NAV2: variants seen among roughly 807,000 people sequenced by gnomAD.
NAV2 encodes helicase, APC down-regulated 1.
A neutral mutation model predicts 223.2 loss-of-function variants in NAV2; 54 were observed. That is an observed-to-expected ratio of 0.24 (90% confidence interval 0.19 to 0.30). The LOEUF is 0.30. Ranked by LOEUF, NAV2 falls within the 10% of genes least tolerant of loss-of-function variation. The pLI is 1.00. For synonymous variants in NAV2, 1,279 were observed against 1,239.3 expected, an observed-to-expected ratio of 1.03 and a Z score of -0.67; for missense variants, 2,806 against 3,147.5, an observed-to-expected ratio of 0.89 and a Z score of 2.60.
chr11:19,730,142 G>A (rs969262046), intron 1 of NAV2, among the ~76,000 whole-genome samples: 2 of 152,236 alleles, frequency 1.3e-5, no homozygotes, highest in Non-Finnish European at 2.9e-5. Flanking sequence ...TATGGTGAAT[G>A]TGTTGGGGAC....
chr11:19,591,934 C>G (rs2046074252), intron 1 of NAV2, among the ~76,000 whole-genome samples: 1 of 152,168 alleles, frequency 6.6e-6, no homozygotes, highest in Non-Finnish European at 1.5e-5. Flanking sequence ...ATTCAGCTTC[C>G]AAGGCAGGCT....
chr11:20,095,267 A>G (rs115490790), intron 29 of NAV2, among the ~76,000 whole-genome samples: 161 of 152,318 alleles, frequency 1.1e-3, no homozygotes, highest in African/African-American at 3.7e-3. Flanking sequence ...TGCCGAAGCA[A>G]TTTAAGCTCT....
At chr11:19,943,874 A>G (rs556626909) in intron 8 of NAV2, among the ~76,000 whole-genome samples, 1 of 151,904 alleles carries the variant, frequency 6.6e-6, no homozygotes, top group South Asian at 2.1e-4. Flanking sequence ...TAGTTATTGC[A>G]CCTCTCCTCT....
intron 8 of NAV2, among the ~76,000 whole-genome samples, chr11:19,940,596 T>C (rs562963030): frequency 6.6e-6 from 1 of 152,310 alleles, no homozygotes; most frequent in African/African-American, 2.4e-5. Flanking sequence ...ACTTCCACAG[T>C]CGGGTTAAAA....
chr11:19,860,247 G>A (rs2061668356), intron 3 of NAV2, among the ~76,000 whole-genome samples: 5 of 143,360 alleles, frequency 3.5e-5, no homozygotes, highest in Admixed American at 6.8e-5. Context: ...GGTGGCTGCC[G>A]GGCAGAGGGG....
intron 1 of NAV2, chr11:19,714,343 CG>C (rs1349540741): frequency 8.2e-6 from 4 of 490,352 alleles, no homozygotes; most frequent in Non-Finnish European, 1.6e-5. Context: ...GTCTGTCTGG[CG>C]GTTCCGCAGA....
chr11:19,390,550 T>C (rs920593200), intron 1 of NAV2, among the ~76,000 whole-genome samples: 11 of 152,002 alleles, frequency 7.2e-5, no homozygotes, highest in African/African-American at 2.7e-4. Flanking sequence ...GTAAGATAAA[T>C]AAATAAATCA....
At chr11:19,716,209 C>CA (rs2050296814) in intron 1 of NAV2, among the ~76,000 whole-genome samples, 1 of 152,148 alleles carries the variant, frequency 6.6e-6, no homozygotes. Context: ...CCCTGACTCC[C>CA]CTTTTATTCA....
intron 3 of NAV2, among the ~76,000 whole-genome samples, chr11:19,859,791 C>A (rs1326614079): frequency 6.8e-6 from 1 of 147,210 alleles, no homozygotes; most frequent in East Asian, 2.1e-4. Context: ...ACCTCCCTCC[C>A]GGACGGGGCG....
intron 1 of NAV2, among the ~76,000 whole-genome samples, chr11:19,651,269 T>G (rs909651619): frequency 6.6e-6 from 1 of 152,192 alleles, no homozygotes; most frequent in African/African-American, 2.4e-5. Context: ...GGAGAACGTC[T>G]TTTCTCAAGG....
chr11:19,972,194 C>A (rs2049308503), intron 10 of NAV2, among the ~76,000 whole-genome samples: 1 of 152,340 alleles, frequency 6.6e-6, no homozygotes, highest in South Asian at 2.1e-4. Context: ...AAACATTGGG[C>A]CTTGAACATA....
At chr11:19,615,401 A>T (rs1348127001) in intron 1 of NAV2, among the ~76,000 whole-genome samples, 1 of 152,014 alleles carries the variant, frequency 6.6e-6, no homozygotes, top group East Asian at 1.9e-4. Context: ...GTTGTTGTAA[A>T]AGCCAAGTAA....
At chr11:19,381,844 A>G (rs1200329072) in intron 1 of NAV2, among the ~76,000 whole-genome samples, 1 of 152,220 alleles carries the variant, frequency 6.6e-6, no homozygotes, top group East Asian at 1.9e-4. Context: ...CAGGAAGGCA[A>G]CCAGAACTAA....
intron 1 of NAV2, among the ~76,000 whole-genome samples, chr11:19,504,598 C>G (rs536056987): frequency 6.6e-6 from 1 of 152,266 alleles, no homozygotes; most frequent in Admixed American, 6.5e-5. Flanking sequence ...CTGAGAGATA[C>G]GCTTCAGGGA....
chr11:19,502,412 T>G (rs2042988004), intron 1 of NAV2, among the ~76,000 whole-genome samples: 1 of 152,210 alleles, frequency 6.6e-6, no homozygotes, highest in Non-Finnish European at 1.5e-5. Flanking sequence ...GCTACAGAAG[T>G]GCCAGATAAT....
intron 1 of NAV2, among the ~76,000 whole-genome samples, chr11:19,539,479 T>C (rs905353028): frequency 6.6e-6 from 1 of 152,218 alleles, no homozygotes; most frequent in African/African-American, 2.4e-5. Context: ...TTATATTTAA[T>C]ATTAATCTTA....
chr11:19,396,846 C>A (rs953295343), intron 1 of NAV2, among the ~76,000 whole-genome samples: 1 of 152,200 alleles, frequency 6.6e-6, no homozygotes, highest in African/African-American at 2.4e-5. Context: ...CCAAAAGAAT[C>A]CAAAAATACA....
chr11:19,501,928 C>A (rs899807159), intron 1 of NAV2, among the ~76,000 whole-genome samples: 1 of 152,166 alleles, frequency 6.6e-6, no homozygotes, highest in Non-Finnish European at 1.5e-5. Context: ...CTGCACCCAA[C>A]TGGATATAAA....
At chr11:19,967,914 C>T (rs1332380217) in intron 10 of NAV2, among the ~76,000 whole-genome samples, 1 of 152,154 alleles carries the variant, frequency 6.6e-6, no homozygotes, top group Non-Finnish European at 1.5e-5. Context: ...TTCCACAGGT[C>T]CTGCCAGCCT....
Sources: gnomAD v4.1 joint callset for allele counts (sites outside exome capture counted in the v4.1 genomes callset) on GRCh38, gnomAD v4.1.1 for gene constraint, MANE v1.5 for transcripts, NCBI Gene and HGNC (gene_info 2026-07-23, HGNC 2026-07-21) for gene names.